MYO1E: variants seen among roughly 807,000 people sequenced by gnomAD.
MYO1E encodes the protein myosin IE.
Under a neutral mutation model 151.1 loss-of-function variants are expected in MYO1E, and 68 were observed. The ratio of observed to expected loss-of-function variants is 0.45; its 90% CI spans 0.37 to 0.55. The LOEUF is 0.55. Among genes scored for constraint, MYO1E ranks in the 20% least tolerant of loss-of-function variants. The pLI is 0.00. For synonymous variants in MYO1E, 601 were observed against 501.7 expected (o/e 1.20, Z -2.64); for missense variants, 1,363 against 1,389.3 (o/e 0.98, Z 0.30).
intron 9 of MYO1E, among the ~76,000 whole-genome samples, chr15:59,219,758 T>A (rs967983280): frequency 3.4e-4 from 51 of 152,206 alleles, no homozygotes; most frequent in African/African-American, 1.2e-3. Flanking sequence ...TCCAGTGAAC[T>A]AAACGTGCAT....
At chr15:59,215,169 C>G (rs1300647334) in intron 10 of MYO1E, among the ~76,000 whole-genome samples, 1 of 152,176 alleles carries the variant, frequency 6.6e-6, no homozygotes, top group Non-Finnish European at 1.5e-5. Context: ...AAGGACAAGA[C>G]AACCCTTGTT....
chr15:59,361,596 A>G (rs1406532539), intron 1 of MYO1E, among the ~76,000 whole-genome samples: 2 of 152,222 alleles, frequency 1.3e-5, no homozygotes, highest in African/African-American at 2.4e-5. Flanking sequence ...ATGAAGAATT[A>G]TATGTATTTT....
intron 4 of MYO1E, among the ~76,000 whole-genome samples, chr15:59,255,695 A>T (rs1357814002): frequency 6.6e-6 from 1 of 152,232 alleles, no homozygotes; most frequent in Non-Finnish European, 1.5e-5. Flanking sequence ...ACGATAGCTG[A>T]AGAGCTTAAA....
At position 59,249,631 on chromosome 15, in the gene MYO1E, TA is replaced by T. The variant is rs1249636587; in HGVS notation, c.332+6652del. 5.3e-5 allele frequency among the ~76,000 whole-genome samples: 8 copies of T among 152,110 alleles called. 1 individual carries two copies. Among genetic ancestry groups the T allele is most frequent in the Non-Finnish European group, 2.9e-5 (2 of 68,006 alleles). ...CCAGGGAAACTGGGAGGTGGAAGTC[TA>T]AAACACCACCATAGAAATTAGGTCA... On this transcript the variant is annotated intron_variant, in intron 4 of 27. Coordinates refer to ENST00000288235, the MANE Select transcript of MYO1E (RefSeq NM_004998.4).
chr15:59,196,125 T>C (rs1300357583), intron 16 of MYO1E, among the ~76,000 whole-genome samples: 1 of 152,222 alleles, frequency 6.6e-6, no homozygotes, highest in South Asian at 2.1e-4. Context: ...TTATAAACTT[T>C]TGATATTCCA....
At chr15:59,278,007 G>A (rs1188342649) in intron 1 of MYO1E, among the ~76,000 whole-genome samples, 1 of 152,158 alleles carries the variant, frequency 6.6e-6, no homozygotes, top group East Asian at 1.9e-4. Flanking sequence ...GCATGTGTTA[G>A]TAAAATCTTA....
rs201611068 is a variant in MYO1E at position 59,275,490 on chromosome 15, C to G, written c.4-3041G>C. ...AGTTACATATGTGAACTCATTCAACCTTCACAACCATCCCCCCATACTATG... is the reference window on the plus strand; with the variant it reads ...AGTTACATATGTGAACTCATTCAACGTTCACAACCATCCCCCCATACTATG... On this transcript the variant is annotated intron_variant, in intron 1 of 27. Coordinates refer to ENST00000288235, the MANE Select transcript of MYO1E (RefSeq NM_004998.4). Among the ~76,000 whole-genome samples, 57 of 152,242 alleles carry G rather than the reference C, an allele frequency of 3.7e-4. 1 individual carries two copies. The East Asian group carries it at 8.7e-3, about 23-fold the overall frequency.
intron 2 of MYO1E, among the ~76,000 whole-genome samples, chr15:59,265,453 G>C (rs1226159035): frequency 6.6e-6 from 1 of 151,996 alleles, no homozygotes; most frequent in African/African-American, 2.4e-5. Context: ...TTTTCACCAA[G>C]TAGATTACAT....
rs1352220296 is a variant in MYO1E, at chr15:59,134,142, G to A, written c.*3238C>T. ...GGCCAGCAGAATATTGGTGGACATGGTGTGCACACAGGGCAGGTCCTTTAA... is the reference window on the plus strand; with the variant it reads ...GGCCAGCAGAATATTGGTGGACATGATGTGCACACAGGGCAGGTCCTTTAA... On this transcript the variant is annotated 3_prime_UTR_variant, in exon 28 of 28. Coordinates refer to ENST00000288235, the MANE Select transcript of MYO1E (RefSeq NM_004998.4). 1 of 152,360 alleles carries A rather than the reference G, an allele frequency of 6.6e-6. No homozygotes were observed. Among genetic ancestry groups the A allele is most frequent in the Non-Finnish European group, 1.5e-5 (1 of 68,140 alleles). 9.4% of individuals were successfully genotyped at this position (152,360 alleles called of 1,614,324 possible). A position where few individuals can be genotyped will look rare whatever the true frequency, so the allele number is the denominator to read the frequency against.
chr15:59,252,327 A>C (rs536013900), intron 4 of MYO1E, among the ~76,000 whole-genome samples: 1 of 152,166 alleles, frequency 6.6e-6, no homozygotes, highest in Non-Finnish European at 1.5e-5. Flanking sequence ...TCGTGCCTGT[A>C]ATCCCAGCAC....
Position 59,255,104 on chromosome 15 carries a change from T to A in MYO1E, c.332+1180A>T, listed in dbSNP as rs907915556. On this transcript the variant is annotated intron_variant, in intron 4 of 27. Transcript: ENST00000288235. ...GCCTCCACTAAGGTATAAGCCTTTT[T>A]TTTTGGTTTGGTTTGGTTTGGTTTT... is the stretch of plus-strand genomic sequence containing the variant. Among the ~76,000 whole-genome samples, 13 of 151,884 alleles carry A rather than the reference T, an allele frequency of 8.6e-5. 1 individual carries two copies. Among genetic ancestry groups the A allele is most frequent in the Non-Finnish European group, 4.4e-5 (3 of 67,956 alleles).
chr15:59,218,688 C>T (rs183963534), intron 9 of MYO1E, among the ~76,000 whole-genome samples: 229 of 152,126 alleles, frequency 1.5e-3, no homozygotes, highest in Non-Finnish European at 2.3e-3. Context: ...AATAAAGAAC[C>T]CTTGGAAAAG....
chr15:59,219,490 G>A (rs926199353), intron 9 of MYO1E, among the ~76,000 whole-genome samples: 1 of 152,206 alleles, frequency 6.6e-6, no homozygotes, highest in Admixed American at 6.5e-5. Context: ...CACAGATGGT[G>A]TTAGAATATA....
chr15:59,173,291 C>T (rs189778201), intron 21 of MYO1E, among the ~76,000 whole-genome samples: 144 of 152,076 alleles, frequency 9.5e-4, no homozygotes, highest in Admixed American at 8.8e-3. Context: ...ACTGAAGTTA[C>T]GATAGTAAAA....
intron 1 of MYO1E, among the ~76,000 whole-genome samples, chr15:59,335,176 T>C (rs1417935616): frequency 1.3e-5 from 2 of 152,246 alleles, no homozygotes; most frequent in African/African-American, 2.4e-5. Context: ...GCATAGCTCA[T>C]GGCTTTATAT....
At chr15:59,324,675 C>A (rs750997873) in intron 1 of MYO1E, among the ~76,000 whole-genome samples, 212 of 150,100 alleles carry the variant, frequency 1.4e-3, no homozygotes, top group Middle Eastern at 6.9e-3. Context: ...CCCCCCCCCA[C>A]AGAGGGCAGC....
Position 59,172,156 on chromosome 15 carries a change from A to G in MYO1E, c.2335-114T>C, listed in dbSNP as rs917707446. 5.3e-5 allele frequency: 63 copies of G among 1,195,290 alleles called. No homozygotes were observed. In the African/African-American group the frequency reaches 6.5e-4, roughly 12 times the overall value. The allele number at this position is 1,195,290 out of a possible 1,614,324, so 74.0% of individuals were successfully genotyped here. On this transcript the variant is annotated intron_variant, in intron 21 of 27. Transcript: ENST00000288235. ...TGAATCACCTGAGGTCAGGAGTTCG[A>G]GACCAGCCTGACCAACATGGTGAAA... is the stretch of plus-strand genomic sequence containing the variant.
chr15:59,259,451 T>G (rs924725741), intron 3 of MYO1E, among the ~76,000 whole-genome samples: 2 of 152,212 alleles, frequency 1.3e-5, no homozygotes, highest in African/African-American at 4.8e-5. Context: ...TGTTTAAAAA[T>G]TCCCCTCTTT....
chr15:59,281,279 T>C (rs1335451560), intron 1 of MYO1E, among the ~76,000 whole-genome samples: 1 of 149,916 alleles, frequency 6.7e-6, no homozygotes, highest in Non-Finnish European at 1.5e-5. Flanking sequence ...TTCTTTTCTT[T>C]CTTTTTTTTT....
Sources: allele counts gnomAD v4.1 joint callset (sites outside exome capture counted in the v4.1 genomes callset), GRCh38; gene constraint gnomAD v4.1.1; transcripts MANE v1.5; gene names NCBI Gene and HGNC (gene_info 2026-07-23, HGNC 2026-07-21).